FMNL2: variants seen among roughly 807,000 people sequenced by gnomAD.
FMNL2 encodes the protein formin-like protein 2.
FMNL2 carries 51 observed loss-of-function variants against 130.2 expected under a neutral mutation model. That is an observed-to-expected ratio of 0.39 (90% CI 0.31 to 0.49). The LOEUF (loss-of-function observed/expected upper bound fraction) is 0.49. Among genes scored for constraint, FMNL2 ranks in the 20% least tolerant of loss-of-function variants. The pLI is 0.85. For missense variants in FMNL2, 977 were observed against 1,316.2 expected (o/e 0.74, Z 3.99); for synonymous variants, 465 against 467.1 (o/e 1.00, Z 0.06).
At chr2:152,535,540 T>G (rs1472083924) in intron 2 of FMNL2, among the ~76,000 whole-genome samples, 1 of 152,246 alleles carries the variant, frequency 6.6e-6, no homozygotes, top group African/African-American at 2.4e-5. Flanking sequence ...TTTCTTTTTG[T>G]GCTTTTTACA....
At chr2:152,493,619 C>T (rs1355626043) in intron 1 of FMNL2, among the ~76,000 whole-genome samples, 2 of 152,052 alleles carry the variant, frequency 1.3e-5, no homozygotes, top group Non-Finnish European at 2.9e-5. Flanking sequence ...TGAGTTCTAG[C>T]CCTATTAGTT....
rs185814240 is a variant in FMNL2, at chr2:152,345,040, A to G, written c.117+9320A>G. The stretch of plus-strand genomic sequence containing the variant: ...ATTCCTCTTATTCATAATTTTTAGC[A>G]TTTGTGGTTTGGGGTTTGAGGACAG... On this transcript the variant is annotated intron_variant, in intron 1 of 25. Coordinates refer to ENST00000288670, the MANE Select transcript of FMNL2 (RefSeq NM_052905.4). Among the ~76,000 whole-genome samples, 222 of 152,198 alleles carry G rather than the reference A, an allele frequency of 1.5e-3. 1 individual carries two copies. Among genetic ancestry groups the G allele is most frequent in the African/African-American group, 5.0e-3 (209 of 41,544 alleles).
chr2:152,537,405 G>A (rs527606191), intron 2 of FMNL2, among the ~76,000 whole-genome samples: 7 of 152,214 alleles, frequency 4.6e-5, no homozygotes, highest in Admixed American at 3.9e-4. Flanking sequence ...GCTAACATAC[G>A]CCTTAGGGGA....
chr2:152,550,406 G>C (rs1694871090), intron 4 of FMNL2, among the ~76,000 whole-genome samples: 1 of 152,154 alleles, frequency 6.6e-6, no homozygotes, highest in African/African-American at 2.4e-5. Context: ...ATGGGCTATA[G>C]AACAAAGAAT....
chr2:152,505,444 G>A (rs1692112979), intron 1 of FMNL2, among the ~76,000 whole-genome samples: 1 of 152,102 alleles, frequency 6.6e-6, no homozygotes, highest in Non-Finnish European at 1.5e-5. Context: ...TTGAACAAAG[G>A]AGAATTTAGA....
At chr2:152,604,876 G>A (rs1042603650) in intron 9 of FMNL2, among the ~76,000 whole-genome samples, 2 of 144,998 alleles carry the variant, frequency 1.4e-5, no homozygotes, top group East Asian at 2.4e-4. Context: ...GATTACAGGC[G>A]AGAACCACCG....
At chr2:152,605,317 T>C (rs544102745) in intron 9 of FMNL2, among the ~76,000 whole-genome samples, 4 of 147,060 alleles carry the variant, frequency 2.7e-5, no homozygotes, top group South Asian at 2.1e-4. Context: ...CGTGTGTGTG[T>C]GCGTGTGTGT....
chr2:152,369,061 G>A (rs368329098), intron 1 of FMNL2, among the ~76,000 whole-genome samples: 9 of 152,294 alleles, frequency 5.9e-5, no homozygotes, highest in African/African-American at 1.4e-4. Flanking sequence ...CTGCAATAAA[G>A]CATCCACCTG....
At chr2:152,562,029 A>AT (rs1419383666) in intron 6 of FMNL2, among the ~76,000 whole-genome samples, 2 of 152,206 alleles carry the variant, frequency 1.3e-5, no homozygotes, top group Non-Finnish European at 2.9e-5. Flanking sequence ...ACCTACAATC[A>AT]TTCATTCACT....
rs199812039 is a variant in FMNL2, at chr2:152,628,583, C to T, written c.2400+50C>T. ...GAGGGGGTCCAAAGAAATGTGGAAT[C>T]GTTATTTTTTAAAGTCTCTCCCAGA... On this transcript the variant is annotated intron_variant, in intron 18 of 25. Transcript: ENST00000288670. The T allele has an allele frequency of 2.7e-4, 413 of 1,511,194 alleles. 2 individuals are homozygous for T. The highest frequency in any genetic ancestry group is 5.9e-4 in the African/African-American group (43 of 72,710). 93.6% of individuals were successfully genotyped at this position (1,511,194 alleles called of 1,614,324 possible).
chr2:152,533,110 C>G (rs1693798812), intron 2 of FMNL2, among the ~76,000 whole-genome samples: 2 of 152,044 alleles, frequency 1.3e-5, no homozygotes, highest in Admixed American at 6.6e-5. Flanking sequence ...TTAAGTGGCT[C>G]TTGCATTTTG....
At chr2:152,553,434 G>C (rs956571808) in intron 4 of FMNL2, among the ~76,000 whole-genome samples, 1 of 151,824 alleles carries the variant, frequency 6.6e-6, no homozygotes, top group African/African-American at 2.4e-5. Flanking sequence ...AATACTGAGG[G>C]TCATTTATTA....
At chr2:152,527,217 A>G (rs1693437161) in intron 2 of FMNL2, among the ~76,000 whole-genome samples, 2 of 152,180 alleles carry the variant, frequency 1.3e-5, no homozygotes, top group South Asian at 4.1e-4. Flanking sequence ...GATGTTGAAC[A>G]TCTTTGTGAA....
At chr2:152,505,858 A>G (rs961574293) in intron 1 of FMNL2, among the ~76,000 whole-genome samples, 5 of 152,240 alleles carry the variant, frequency 3.3e-5, no homozygotes, top group Admixed American at 6.5e-5. Context: ...ATTGGCTTGT[A>G]AATCAGGGCG....
chr2:152,370,284 A>T (rs1053421725), intron 1 of FMNL2, among the ~76,000 whole-genome samples: 1 of 152,156 alleles, frequency 6.6e-6, no homozygotes, highest in African/African-American at 2.4e-5. Context: ...GTATCCTCAC[A>T]TGGCAGAAAG....
intron 25 of FMNL2, among the ~76,000 whole-genome samples, chr2:152,644,865 C>T (rs1200598768): frequency 6.6e-6 from 1 of 152,122 alleles, no homozygotes; most frequent in Admixed American, 6.5e-5. Context: ...TCAAAGTAAC[C>T]TCCTGGGCAC....
Position 152,592,133 on chromosome 2 carries a change from G to A in FMNL2, c.876+11084G>A, listed in dbSNP as rs75428080. Among the ~76,000 whole-genome samples, 221 of 152,240 alleles carry A rather than the reference G, an allele frequency of 1.5e-3. 1 individual carries two copies. The East Asian group carries it at 0.025, about 17-fold the overall frequency. ...AAAGAAAAGATAACTCATGATTTCC[G>A]TGCCACAGAAGTTTGTATTGCCTTG... On this transcript the variant is annotated intron_variant, in intron 9 of 25. Coordinates refer to ENST00000288670, the MANE Select transcript of FMNL2 (RefSeq NM_052905.4).
At chr2:152,514,443 T>A (rs1373261464) in intron 1 of FMNL2, among the ~76,000 whole-genome samples, 1 of 152,202 alleles carries the variant, frequency 6.6e-6, no homozygotes, top group African/African-American at 2.4e-5. Flanking sequence ...TGTTCATATC[T>A]TTCCTTTTAC....
intron 1 of FMNL2, among the ~76,000 whole-genome samples, chr2:152,510,766 A>G (rs1286519721): frequency 6.6e-6 from 1 of 152,138 alleles, no homozygotes; most frequent in African/African-American, 2.4e-5. Context: ...TCCACTTGTC[A>G]TACACCAGAA....
Sources: gnomAD v4.1 joint callset for allele counts (sites outside exome capture counted in the v4.1 genomes callset) on GRCh38, gnomAD v4.1.1 for gene constraint, MANE v1.5 for transcripts, NCBI Gene and HGNC (gene_info 2026-07-23, HGNC 2026-07-21) for gene names.